The following STK3 variants were observed in gnomAD, a reference collection of about 807,000 sequenced individuals.
STK3 encodes the protein serine/threonine-protein kinase 3.
STK3 carries 41 observed loss-of-function variants against 58.0 expected under a neutral mutation model. The observed-to-expected ratio is 0.71, with a 90% CI of 0.55 to 0.92. The LOEUF (loss-of-function observed/expected upper bound fraction) is 0.92, where lower values mean the gene tolerates loss of function less well. STK3 is among the 40% of genes least tolerant of loss of function. The pLI is 0.00. For synonymous variants in STK3, 170 were observed against 191.0 expected, an observed-to-expected ratio of 0.89 and a Z score of 0.91; for missense variants, 479 against 602.7, an observed-to-expected ratio of 0.79 and a Z score of 2.15.
chr8:98,705,358 A>C (rs1377761864), intron 6 of STK3, among the ~76,000 whole-genome samples: 3 of 151,770 alleles, frequency 2.0e-5, no homozygotes, highest in Admixed American at 6.6e-5. Flanking sequence ...GGCTCGAGTG[A>C]GCCATGATCG....
chr8:98,787,598 T>C (rs1315369522), intron 1 of STK3, among the ~76,000 whole-genome samples: 1 of 152,082 alleles, frequency 6.6e-6, no homozygotes, highest in African/African-American at 2.4e-5. Context: ...GGGGAATTCA[T>C]CACAAAAAGA....
rs141937543 is a variant in STK3, at chr8:98,684,177, T to C, written c.684+22290A>G. On this transcript the variant is annotated intron_variant, in intron 6 of 10. Coordinates refer to ENST00000419617, the MANE Select transcript of STK3 (RefSeq NM_006281.4). ...TTTCATCATTAGAAAAGATAAAATGTATCACAGTCCTAATAGGCTCATTAT... is the reference window on the plus strand; with the variant it reads ...TTTCATCATTAGAAAAGATAAAATGCATCACAGTCCTAATAGGCTCATTAT... Among the ~76,000 whole-genome samples, 531 of 152,272 alleles carry C rather than the reference T, an allele frequency of 3.5e-3. 3 individuals carry two copies. The highest frequency in any genetic ancestry group is 0.012 in the African/African-American group (479 of 41,566).
intron 8 of STK3, among the ~76,000 whole-genome samples, chr8:98,554,563 C>A (rs576687033): frequency 6.6e-6 from 1 of 152,080 alleles, no homozygotes; most frequent in Non-Finnish European, 1.5e-5. Context: ...GATCTTACTG[C>A]ATATTATTTT....
chr8:98,623,095 T>C (rs1330069339), intron 6 of STK3, among the ~76,000 whole-genome samples: 1 of 150,816 alleles, frequency 6.6e-6, no homozygotes, highest in Non-Finnish European at 1.5e-5. Context: ...AGAATAGAGG[T>C]TGAGAGATTG....
At chr8:98,840,734 C>A (rs1340172306) in intron 3 of STK3, among the ~76,000 whole-genome samples, 1 of 151,348 alleles carries the variant, frequency 6.6e-6, no homozygotes, top group Non-Finnish European at 1.5e-5. Flanking sequence ...CCAAATGTAA[C>A]CATTTAACAT....
At chr8:98,846,293 AAAAC>A (rs1190125881) in intron 3 of STK3, among the ~76,000 whole-genome samples, 2 of 152,240 alleles carry the variant, frequency 1.3e-5, no homozygotes, top group East Asian at 3.8e-4. Context: ...TCACTAGAAT[AAAAC>A]AAATTTGTTC....
At chr8:98,675,855 C>T (rs531754826) in intron 6 of STK3, among the ~76,000 whole-genome samples, 63 of 150,726 alleles carry the variant, frequency 4.2e-4, no homozygotes, top group African/African-American at 1.5e-3. Flanking sequence ...CAGAGCGAGA[C>T]TCTGTCTCAA....
At chr8:98,679,095 A>T (rs1823434848) in intron 6 of STK3, among the ~76,000 whole-genome samples, 1 of 152,196 alleles carries the variant, frequency 6.6e-6, no homozygotes, top group Non-Finnish European at 1.5e-5. Flanking sequence ...TGCTTCTTCA[A>T]GAGAAGTCAC....
intron 1 of STK3, among the ~76,000 whole-genome samples, chr8:98,814,636 A>G (rs1248917278): frequency 6.6e-6 from 1 of 152,106 alleles, no homozygotes; most frequent in Non-Finnish European, 1.5e-5. Flanking sequence ...CCTCCCATGT[A>G]GATGGGACTA....
intron 4 of STK3, among the ~76,000 whole-genome samples, chr8:98,715,667 C>G (rs549881138): frequency 1.3e-5 from 2 of 152,272 alleles, no homozygotes; most frequent in Non-Finnish European, 2.9e-5. Context: ...AATAGGAACA[C>G]TTTTACACTG....
chr8:98,915,432 C>CTATACATATATATATA (rs1839307013), intron 1 of STK3, among the ~76,000 whole-genome samples: 5 of 94,718 alleles, frequency 5.3e-5, no homozygotes, highest in Admixed American at 4.7e-4. Context: ...ATAAACTTTC[C>CTATACATATATATATA]TATATATATA....
the STK3 span, among the ~76,000 whole-genome samples, chr8:98,348,449 T>G: frequency 6.6e-6 from 1 of 152,156 alleles, no homozygotes; most frequent in Admixed American, 6.6e-5. Context: ...ACTTCTGCTT[T>G]GCAAAAGACA....
Position 98,541,736 on chromosome 8 carries a change from T to C in STK3, c.1141+6233A>G, listed in dbSNP as rs142712768. 6.7e-3 allele frequency among the ~76,000 whole-genome samples: 1,026 copies of C among 152,320 alleles called. 8 individuals are homozygous for C. Among genetic ancestry groups the C allele is most frequent in the African/African-American group, 0.023 (959 of 41,558 alleles). On this transcript the variant is annotated intron_variant, in intron 9 of 10. Transcript: ENST00000419617. ...GTCTACAAGGGTATCATGAAAGACCTTGTCAAATACTTTCCTAATATCCTA... is the reference window on the plus strand; with the variant it reads ...GTCTACAAGGGTATCATGAAAGACCCTGTCAAATACTTTCCTAATATCCTA...
chr8:98,413,686 C>A lies in STK3; in HGVS notation n.484-12173G>T. 6.3e-6 allele frequency: 6 copies of A among 952,336 alleles called. No homozygotes were observed. The Admixed American group carries it at 1.0e-4, about 17-fold the overall frequency. 59.0% of individuals were successfully genotyped at this position (952,336 alleles called of 1,614,324 possible). A position where few individuals can be genotyped will look rare whatever the true frequency, so the allele number is the denominator to read the frequency against. On this transcript the variant is annotated intron_variant and non_coding_transcript_variant, in intron 3 of 3. Transcript: ENST00000517832. Reference sequence around the variant, plus strand: ...TTGAGGAACTCTACAGTGTGCACCACAAATTGGTTTAGAAAAGCCACCGTT... The same window carrying A: ...TTGAGGAACTCTACAGTGTGCACCAAAAATTGGTTTAGAAAAGCCACCGTT...
At chr8:98,762,867 A>G (rs1009542176) in intron 3 of STK3, among the ~76,000 whole-genome samples, 4 of 152,196 alleles carry the variant, frequency 2.6e-5, no homozygotes, top group African/African-American at 9.7e-5. Flanking sequence ...GAATCTTTTT[A>G]CAGGCATTGC....
chr8:98,568,517 A>T (rs1812696961), intron 8 of STK3, among the ~76,000 whole-genome samples: 1 of 152,218 alleles, frequency 6.6e-6, no homozygotes, highest in Non-Finnish European at 1.5e-5. Flanking sequence ...CCACTCTTAC[A>T]CACAGAGCTG....
chr8:98,663,325 C>CATCTCACACCGT (rs1185434781), intron 6 of STK3, among the ~76,000 whole-genome samples: 1 of 152,150 alleles, frequency 6.6e-6, no homozygotes, highest in African/African-American at 2.4e-5. Flanking sequence ...AATGAGATAC[C>CATCTCACACCGT]ATCTCACACC....
intron 3 of STK3, among the ~76,000 whole-genome samples, chr8:98,406,083 C>T (rs1304535884): frequency 6.6e-6 from 1 of 152,096 alleles, no homozygotes; most frequent in Admixed American, 6.6e-5. Context: ...CATTGTACAC[C>T]ACTCTTGTTC....
At chr8:98,586,383 A>C (rs1814596352) in intron 7 of STK3, among the ~76,000 whole-genome samples, 1 of 151,562 alleles carries the variant, frequency 6.6e-6, no homozygotes, top group South Asian at 2.1e-4. Context: ...GGCTCTGTTT[A>C]TATGCTGGAT....
Sources: allele counts gnomAD v4.1 joint callset (sites outside exome capture counted in the v4.1 genomes callset), GRCh38; gene constraint gnomAD v4.1.1; transcripts MANE v1.5; gene names NCBI Gene and HGNC (gene_info 2026-07-23, HGNC 2026-07-21).